Variants in KLHDC4 observed in about 807,000 individuals in gnomAD.
KLHDC4 encodes kelch domain-containing protein 4.
Under a neutral mutation model 62.4 loss-of-function variants are expected in KLHDC4, and 90 were observed. The ratio of observed to expected loss-of-function variants is 1.44; its 90% confidence interval spans 1.22 to 1.72. The LOEUF (loss-of-function observed/expected upper bound fraction) is 1.72, where lower values mean the gene tolerates loss of function less well. Ranked by LOEUF, KLHDC4 falls within the 40% of genes most tolerant of loss-of-function variation. The pLI, the probability that KLHDC4 is intolerant of heterozygous loss-of-function variation, is 0.00. For missense variants in KLHDC4, 1,025 were observed against 699.7 expected, an observed-to-expected ratio of 1.47 and a Z score of -5.25; for synonymous variants, 386 against 284.4, an observed-to-expected ratio of 1.36 and a Z score of -3.59.
chr16:87,698,803 C>G (rs1160547068), exon 1 of KLHDC4: 2 of 152,276 alleles, frequency 1.3e-5, no homozygotes, highest in African/African-American at 4.8e-5. Context: ...TCCGCCCAGG[C>G]CCAGGGGACC....
chr16:87,759,602 C>T (rs941160073), intron 2 of KLHDC4, among the ~76,000 whole-genome samples: 3 of 151,860 alleles, frequency 2.0e-5, no homozygotes, highest in Admixed American at 6.6e-5. Flanking sequence ...CAAAATTAGC[C>T]GGGCGTGGTG....
intron 7 of KLHDC4, among the ~76,000 whole-genome samples, chr16:87,717,670 C>G (rs564308755): frequency 6.6e-6 from 1 of 150,696 alleles, no homozygotes; most frequent in East Asian, 1.9e-4. Flanking sequence ...ATTTCCATGC[C>G]TGCTTTTCCA....
intron 7 of KLHDC4, among the ~76,000 whole-genome samples, chr16:87,724,739 C>T (rs74039496): frequency 0.029 from 4,368 of 152,254 alleles, 215 homozygotes; most frequent in African/African-American, 0.099. Context: ...CAAGTGGAAC[C>T]GGCCACTGCT....
chr16:87,720,495 G>A (rs903275790), intron 7 of KLHDC4, among the ~76,000 whole-genome samples: 4 of 152,138 alleles, frequency 2.6e-5, no homozygotes, highest in Admixed American at 6.5e-5. Flanking sequence ...CGCACGCACC[G>A]TGCCCTCCTC....
rs141579013 is a variant in KLHDC4 at position 87,714,197 on chromosome 16, C to T, written c.835+301G>A. Among the ~76,000 whole-genome samples the T allele has an allele frequency of 1.1e-3, 164 of 152,314 alleles. 2 individuals are homozygous for T. The East Asian group carries it at 0.029, about 27-fold the overall frequency. ...GCTCAAGACCCTTGGAGGGGCCCAT[C>T]AGGAGCTGCTGAGGGGCACTGTGCT... On this transcript the variant is annotated intron_variant, in intron 8 of 11. Coordinates refer to ENST00000270583, the MANE Select transcript of KLHDC4 (RefSeq NM_017566.4).
chr16:87,758,561 C>G (rs2045362478), intron 2 of KLHDC4, among the ~76,000 whole-genome samples: 1 of 152,136 alleles, frequency 6.6e-6, no homozygotes, highest in Non-Finnish European at 1.5e-5. Context: ...AAACAGGGAG[C>G]AACCATTGAA....
chr16:87,713,887 T>C (rs369162216), intron 8 of KLHDC4, among the ~76,000 whole-genome samples: 6 of 152,172 alleles, frequency 3.9e-5, no homozygotes, highest in Admixed American at 6.5e-5. Context: ...TAAAAGCTTT[T>C]AGAAATCTAG....
At chr16:87,741,297 C>T (rs2042205218) in intron 5 of KLHDC4, among the ~76,000 whole-genome samples, 3 of 152,190 alleles carry the variant, frequency 2.0e-5, no homozygotes, top group Admixed American at 2.0e-4. Flanking sequence ...GCCCAGGCGC[C>T]CTGCTGCCTG....
chr16:87,727,014 T>C (rs929064180), intron 6 of KLHDC4, 90 bp from the exon 7 acceptor site: 40 of 1,392,952 alleles, frequency 2.9e-5, no homozygotes, highest in South Asian at 2.4e-4. Flanking sequence ...AAAGGTAAAT[T>C]TCCTACTGTT....
At chr16:87,701,786 C>T (rs191388132) in exon 1 of KLHDC4, 7 of 456,806 alleles carry the variant, frequency 1.5e-5, no homozygotes, top group Admixed American at 4.7e-5. Context: ...CGCCATCCTT[C>T]TCCCGTCTGT....
chr16:87,738,714 C>T lies in KLHDC4; in HGVS notation c.507-8070G>A, dbSNP rs71392314. Among the ~76,000 whole-genome samples, 364 of 96,078 alleles carry T rather than the reference C, an allele frequency of 3.8e-3. 1 individual carries two copies. Among genetic ancestry groups the T allele is most frequent in the African/African-American group, 0.013 (329 of 24,436 alleles). 63.0% of individuals were successfully genotyped at this position (96,078 alleles called of 152,430 possible). On this transcript the variant is annotated intron_variant, in intron 5 of 11. Coordinates refer to ENST00000270583, the MANE Select transcript of KLHDC4 (RefSeq NM_017566.4). The stretch of plus-strand genomic sequence containing the variant: ...CATCCACACACCAGCACCTCATCCA[C>T]CCACACACCAGCACCTCATCCATCC...
At chr16:87,720,489 C>T (rs531685247) in intron 7 of KLHDC4, among the ~76,000 whole-genome samples, 1 of 152,360 alleles carries the variant, frequency 6.6e-6, no homozygotes, top group African/African-American at 2.4e-5. Context: ...AGCGACCGCA[C>T]GCACCGTGCC....
chr16:87,737,243 A>G (rs1370435448), intron 5 of KLHDC4, among the ~76,000 whole-genome samples: 1 of 152,052 alleles, frequency 6.6e-6, no homozygotes, highest in Non-Finnish European at 1.5e-5. Context: ...ACTAAATGAC[A>G]TCACATGAAG....
intron 2 of KLHDC4, among the ~76,000 whole-genome samples, chr16:87,759,346 C>G (rs554498308): frequency 2.3e-4 from 34 of 149,186 alleles, no homozygotes; most frequent in African/African-American, 8.5e-4. Flanking sequence ...GCCAGCCTGA[C>G]TCCAGAGGTT....
chr16:87,756,951 T>C lies in KLHDC4; in HGVS notation c.192-474A>G, dbSNP rs138759754. ...GCCTCAGCCCTCCGAGTGGCTGGGA[T>C]TGCAGGTGCCCACCACCACACCCAG... On this transcript the variant is annotated intron_variant, in intron 2 of 11. Coordinates refer to ENST00000270583, the MANE Select transcript of KLHDC4 (RefSeq NM_017566.4). Among the ~76,000 whole-genome samples the C allele has an allele frequency of 2.7e-3, 414 of 152,028 alleles. 3 individuals carry two copies. The highest frequency in any genetic ancestry group is 8.7e-3 in the African/African-American group (363 of 41,518).
chr16:87,700,399 A>G (rs2034078443), exon 1 of KLHDC4: 1 of 156,082 alleles, frequency 6.4e-6, no homozygotes, highest in Non-Finnish European at 1.4e-5. Context: ...CAGTACCTTT[A>G]ACCTCGCCCG....
chr16:87,764,458 T>C (rs867883141), intron 1 of KLHDC4, among the ~76,000 whole-genome samples: 1 of 151,930 alleles, frequency 6.6e-6, no homozygotes, highest in Non-Finnish European at 1.5e-5. Flanking sequence ...CAGACCAGCC[T>C]GACCAAAACG....
intron 2 of KLHDC4, 135 bp downstream of exon 2, chr16:87,761,814 G>C (rs931929556): frequency 5.8e-6 from 5 of 865,594 alleles, no homozygotes; most frequent in Middle Eastern, 2.3e-4. Context: ...TCAGCAGAAA[G>C]TGACCAAGAA....
chr16:87,765,765 C>T, intron 1 of KLHDC4, 27 bp downstream of exon 1: 1 of 1,554,670 alleles, frequency 6.4e-7, no homozygotes. Flanking sequence ...CGACGTCGGG[C>T]CGCTAAGCCC....
Sources: gnomAD v4.1 joint callset for allele counts (sites outside exome capture counted in the v4.1 genomes callset) on GRCh38, gnomAD v4.1.1 for gene constraint, MANE v1.5 for transcripts, NCBI Gene and HGNC (gene_info 2026-07-23, HGNC 2026-07-21) for gene names.